The following FAM163A variants were observed in gnomAD, a reference collection of about 807,000 sequenced individuals.
The protein encoded by FAM163A is family with sequence similarity 163 member A, also known as protein FAM163A.
A neutral mutation model predicts 12.0 loss-of-function variants in FAM163A; 7 were observed. The ratio of observed to expected loss-of-function variants is 0.58; its 90% CI spans 0.33 to 1.10. The LOEUF (loss-of-function observed/expected upper bound fraction) is 1.10. Ranked by LOEUF, FAM163A falls within the 50% of genes least tolerant of loss-of-function variation. The pLI, the probability that FAM163A is intolerant of heterozygous loss-of-function variation, is 0.03. For missense variants in FAM163A, 202 were observed against 218.6 expected (o/e 0.92, Z 0.48); for synonymous variants, 101 against 91.0 (o/e 1.11, Z -0.62).
At chr1:179,772,953 C>T (rs889741022) in intron 1 of FAM163A, among the ~76,000 whole-genome samples, 5 of 150,626 alleles carry the variant, frequency 3.3e-5, no homozygotes, top group South Asian at 2.1e-4. Context: ...CAGCTCCCCA[C>T]GTTTAAGCAG....
chr1:179,810,520 C>T (rs886452925), intron 2 of FAM163A, among the ~76,000 whole-genome samples: 46 of 152,294 alleles, frequency 3.0e-4, no homozygotes, highest in African/African-American at 1.0e-3. Context: ...TTTTCTCACA[C>T]CCCTGGACTG....
intron 1 of FAM163A, among the ~76,000 whole-genome samples, chr1:179,756,445 CG>C (rs755353394): frequency 2.0e-4 from 31 of 152,032 alleles, no homozygotes; most frequent in Admixed American, 2.0e-4. Flanking sequence ...TCACAAGTTA[CG>C]GGGCTTGAGG....
Position 179,815,441 on chromosome 1 carries a change from G to A in FAM163A, c.*1252G>A, listed in dbSNP as rs1695238250. The A allele has an allele frequency of 6.6e-6, 1 of 152,240 alleles. No individual in the cohort carries two copies. Among genetic ancestry groups the A allele is most frequent in the Non-Finnish European group, 1.5e-5 (1 of 68,080 alleles). The allele number at this position is 152,240 out of a possible 1,614,324, so 9.4% of individuals were successfully genotyped here. On this transcript the variant is annotated 3_prime_UTR_variant, in exon 5 of 5. Coordinates refer to ENST00000341785, the MANE Select transcript of FAM163A (RefSeq NM_173509.3). Reference sequence around the variant, plus strand: ...AGCAGGATCTTCATTCATCTCACCAGAGCAACAGCCCAGTCCTGAGGATGG... The same window carrying A: ...AGCAGGATCTTCATTCATCTCACCAAAGCAACAGCCCAGTCCTGAGGATGG...
Position 179,746,276 on chromosome 1 carries a change from A to G in FAM163A, c.-136+2853A>G, listed in dbSNP as rs116695987. The stretch of plus-strand genomic sequence containing the variant: ...TTTTAGGAATTGAACTTGTTGTTAA[A>G]CTTGCATATGGGCACAAAGATATAT... On this transcript the variant is annotated intron_variant, in intron 1 of 4. Transcript: ENST00000341785. 4.0e-3 allele frequency among the ~76,000 whole-genome samples: 609 copies of G among 152,304 alleles called. 7 individuals carry two copies. The highest frequency in any genetic ancestry group is 0.014 in the African/African-American group (588 of 41,552).
At chr1:179,761,094 A>C (rs1284433058) in intron 1 of FAM163A, among the ~76,000 whole-genome samples, 1 of 124,052 alleles carries the variant, frequency 8.1e-6, no homozygotes, top group Non-Finnish European at 1.6e-5. Flanking sequence ...ATGTAGAAAC[A>C]TATTTTACAT....
chr1:179,790,809 T>TAA (rs1691366918), intron 1 of FAM163A, among the ~76,000 whole-genome samples: 1 of 152,092 alleles, frequency 6.6e-6, no homozygotes, highest in South Asian at 2.1e-4. Context: ...TAGTGGCCTT[T>TAA]AGAACATTAG....
At chr1:179,778,768 G>A (rs61828402) in intron 1 of FAM163A, among the ~76,000 whole-genome samples, 8,793 of 152,216 alleles carry the variant, frequency 0.058, 356 homozygotes, top group Non-Finnish European at 0.088. Context: ...TGTATAAGGC[G>A]TGAGGGGTGG....
At chr1:179,791,961 G>A (rs187087073) in intron 1 of FAM163A, among the ~76,000 whole-genome samples, 76 of 152,240 alleles carry the variant, frequency 5.0e-4, no homozygotes, top group African/African-American at 1.8e-3. Context: ...TCCAGAAACA[G>A]CATTTAGTAG....
chr1:179,731,988 C>T, the FAM163A span, among the ~76,000 whole-genome samples: 1 of 152,088 alleles, frequency 6.6e-6, no homozygotes, highest in Non-Finnish European at 1.5e-5. Context: ...GGCTAATAAT[C>T]CCAGGTCTCA....
chr1:179,782,898 C>T (rs950382063), intron 1 of FAM163A, among the ~76,000 whole-genome samples: 1 of 152,208 alleles, frequency 6.6e-6, no homozygotes, highest in Admixed American at 6.5e-5. Context: ...GCCCCTCTGT[C>T]CTCAGCCTGT....
At chr1:179,767,184 T>G (rs117848451) in intron 1 of FAM163A, among the ~76,000 whole-genome samples, 1 of 152,116 alleles carries the variant, frequency 6.6e-6, no homozygotes, top group South Asian at 2.1e-4. Flanking sequence ...CCTTCCACTC[T>G]CTGGCATGCT....
chr1:179,812,550 T>A (rs1415764839), intron 3 of FAM163A, among the ~76,000 whole-genome samples: 1 of 152,176 alleles, frequency 6.6e-6, no homozygotes, highest in Non-Finnish European at 1.5e-5. Context: ...CTGGGGTGTG[T>A]GCCAAGAGGG....
chr1:179,757,624 C>T (rs1042607840), intron 1 of FAM163A, among the ~76,000 whole-genome samples: 4 of 152,074 alleles, frequency 2.6e-5, no homozygotes, highest in Non-Finnish European at 5.9e-5. Context: ...CCAGACTGGC[C>T]AACATGGTGA....
rs1168202972 is a variant in FAM163A at position 179,815,107 on chromosome 1, GCGCACAGACA to G, written c.*920_*929del. On this transcript the variant is annotated 3_prime_UTR_variant, in exon 5 of 5. Coordinates refer to ENST00000341785, the MANE Select transcript of FAM163A (RefSeq NM_173509.3). ...CCCAGGTGTACGCACGCGCGCGCGC[GCGCACAGACA>G]CACACACACACACACACACACACAC... 3,727 of 64,912 alleles carry G rather than the reference GCGCACAGACA, an allele frequency of 0.057. 69 individuals are homozygous for G. The highest frequency in any genetic ancestry group is 0.068 in the African/African-American group (889 of 13,030). The allele number at this position is 64,912 out of a possible 1,614,324, so 4.0% of individuals were successfully genotyped here. A position where few individuals can be genotyped will look rare whatever the true frequency, so the allele number is the denominator to read the frequency against.
rs1695160240 is a variant in FAM163A, at chr1:179,814,846, T to G, written c.*657T>G. On this transcript the variant is annotated 3_prime_UTR_variant, in exon 5 of 5. Coordinates refer to ENST00000341785, the MANE Select transcript of FAM163A (RefSeq NM_173509.3). ...CCCCTTCCTCGTGGGACGTGTCAAG[T>G]TGACTTTAAAGCCTAAGGTGGCTTG... The G allele has an allele frequency of 6.6e-6, 1 of 152,274 alleles. No individual in the cohort carries two copies. The highest frequency in any genetic ancestry group is 1.5e-5 in the Non-Finnish European group (1 of 68,118). The allele number at this position is 152,274 out of a possible 1,614,324, so 9.4% of individuals were successfully genotyped here.
chr1:179,813,874 T>C lies in FAM163A; in HGVS notation c.189T>C (p.Asn63=), dbSNP rs781670853. 6.2e-7 allele frequency: 1 copy of C among 1,613,942 alleles called. No individual in the cohort carries two copies. The highest frequency in any genetic ancestry group is 1.7e-5 in the Admixed American group (1 of 60,020). Residue 63 remains asparagine (N), a synonymous_variant, in exon 5 of 5, where the codon AAT becomes AAC. Transcript: ENST00000341785. The stretch of plus-strand genomic sequence containing the variant: ...CGCATCCCAGAGGCCCCACCTGCAA[T>C]GCCTGCAGCTCCCAAGCCCTGGACG... ...LPTHPRGPTC[N]ACSSQALDGR... is the part of the protein sequence containing the mutation.
intron 1 of FAM163A, among the ~76,000 whole-genome samples, chr1:179,770,320 C>T (rs139971648): frequency 4.6e-5 from 7 of 152,252 alleles, no homozygotes; most frequent in Non-Finnish European, 7.4e-5. Context: ...CTAGTTCAAG[C>T]TGCTATCATC....
intron 1 of FAM163A, among the ~76,000 whole-genome samples, chr1:179,784,197 C>G (rs1228974414): frequency 6.6e-6 from 1 of 152,184 alleles, no homozygotes; most frequent in Non-Finnish European, 1.5e-5. Context: ...TCATCTTGGG[C>G]CTTCCAGAAC....
intron 1 of FAM163A, among the ~76,000 whole-genome samples, chr1:179,783,772 A>T (rs1418508554): frequency 6.9e-6 from 1 of 144,888 alleles, no homozygotes; most frequent in Non-Finnish European, 1.5e-5. Flanking sequence ...ATAATTTATT[A>T]TATATATATT....
Sources: allele counts gnomAD v4.1 joint callset (sites outside exome capture counted in the v4.1 genomes callset), GRCh38; gene constraint gnomAD v4.1.1; transcripts MANE v1.5; gene names NCBI Gene and HGNC (gene_info 2026-07-23, HGNC 2026-07-21).